AK4: variants seen among roughly 807,000 people sequenced by gnomAD.
The protein encoded by AK4 is adenylate kinase 4, mitochondrial.
A neutral mutation model predicts 24.6 loss-of-function variants in AK4; 13 were observed. The ratio of observed to expected loss-of-function variants is 0.53; its 90% CI spans 0.34 to 0.84. AK4 has a LOEUF of 0.84. AK4 is among the 40% of genes least tolerant of loss of function. The pLI, the probability that AK4 is intolerant of heterozygous loss-of-function variation, is 0.01. For synonymous variants in AK4, 88 were observed against 107.0 expected (o/e 0.82, Z 1.10); for missense variants, 192 against 288.2 (o/e 0.67, Z 2.42).
At chr1:65,196,792 C>T (rs1448063867) in intron 2 of AK4, among the ~76,000 whole-genome samples, 1 of 152,026 alleles carries the variant, frequency 6.6e-6, no homozygotes, top group Non-Finnish European at 1.5e-5. Flanking sequence ...AAAAAAGGGT[C>T]ACATATTAGA....
intron 1 of AK4, among the ~76,000 whole-genome samples, chr1:65,188,232 TAAAAA>T (rs944685717): frequency 6.6e-6 from 1 of 151,950 alleles, no homozygotes; most frequent in Non-Finnish European, 1.5e-5. Context: ...CTGTCTCTAC[TAAAAA>T]TACAGAAATT....
chr1:65,198,038 AC>A (rs1167171923), intron 2 of AK4, among the ~76,000 whole-genome samples: 1 of 152,230 alleles, frequency 6.6e-6, no homozygotes, highest in Non-Finnish European at 1.5e-5. Context: ...AATTAAAAAA[AC>A]AGCTTTTTCT....
chr1:65,148,635 A>G (rs6664331), intron 1 of AK4, 83 bp downstream of exon 1: 71,844 of 1,426,604 alleles, frequency 0.05, 9,953 homozygotes, highest in African/African-American at 0.48. Flanking sequence ...CTCCCGGATC[A>G]CGGCGCCCTT....
intron 2 of AK4, 87 bp downstream of exon 2, chr1:65,190,916 A>T: frequency 3.5e-6 from 5 of 1,439,674 alleles, no homozygotes; most frequent in Middle Eastern, 1.8e-4. Context: ...CGAATGGAAA[A>T]TGCCTTATTT....
chr1:65,165,327 A>C (rs970970726), intron 1 of AK4, among the ~76,000 whole-genome samples: 4 of 152,180 alleles, frequency 2.6e-5, no homozygotes, highest in Admixed American at 6.5e-5. Context: ...AGGTGGAAAC[A>C]TGTGAAAGCA....
intron 2 of AK4, among the ~76,000 whole-genome samples, chr1:65,193,384 T>C (rs192416428): frequency 6.6e-6 from 1 of 152,308 alleles, no homozygotes; most frequent in Admixed American, 6.5e-5. Flanking sequence ...GTCTGGAAGA[T>C]CTCCGAAATG....
At chr1:65,173,756 A>C (rs908920163) in intron 1 of AK4, among the ~76,000 whole-genome samples, 1 of 152,076 alleles carries the variant, frequency 6.6e-6, no homozygotes, top group Admixed American at 6.6e-5. Context: ...ACAGCTGCTT[A>C]GGAGACTGAG....
At chr1:65,167,109 G>T (rs1650358189) in intron 1 of AK4, among the ~76,000 whole-genome samples, 1 of 151,998 alleles carries the variant, frequency 6.6e-6, no homozygotes, top group South Asian at 2.1e-4. Context: ...CTCCAGCCTG[G>T]GTGACAGAGA....
chr1:65,158,998 C>CT (rs1487891044), intron 1 of AK4, among the ~76,000 whole-genome samples: 3 of 152,196 alleles, frequency 2.0e-5, no homozygotes, highest in Non-Finnish European at 2.9e-5. Flanking sequence ...AGTCTCACCT[C>CT]TAAGTTCTGA....
intron 2 of AK4, among the ~76,000 whole-genome samples, chr1:65,196,938 A>G (rs1335070271): frequency 2.6e-5 from 4 of 152,196 alleles, no homozygotes; most frequent in South Asian, 2.1e-4. Flanking sequence ...AGCAAATCAC[A>G]TCGTACCTGG....
chr1:65,157,933 C>G (rs771081701), intron 1 of AK4, among the ~76,000 whole-genome samples: 1 of 152,156 alleles, frequency 6.6e-6, no homozygotes, highest in African/African-American at 2.4e-5. Flanking sequence ...ATGAGTACAG[C>G]TACAAAAAGA....
intron 1 of AK4, among the ~76,000 whole-genome samples, chr1:65,169,847 T>G (rs897210106): frequency 6.6e-6 from 1 of 152,138 alleles, no homozygotes; most frequent in African/African-American, 2.4e-5. Flanking sequence ...AGTATTGCAT[T>G]AAAGTATTAT....
chr1:65,216,463 C>T lies in AK4; in HGVS notation c.266-2291C>T, dbSNP rs138921611. ...CTTTTAAAAGAATGAGCCAAGCCCTCCCTGCCTCCCGCTTCCCCAAAGTTC... is the reference window on the plus strand; with the variant it reads ...CTTTTAAAAGAATGAGCCAAGCCCTTCCTGCCTCCCGCTTCCCCAAAGTTC... On this transcript the variant is annotated intron_variant, in intron 2 of 4. Transcript: ENST00000327299. Among the ~76,000 whole-genome samples the T allele has an allele frequency of 2.6e-4, 40 of 152,248 alleles. 1 individual carries two copies. In the East Asian group the frequency reaches 7.3e-3, roughly 28 times the overall value.
chr1:65,179,093 T>C lies in AK4; in HGVS notation c.146-11617T>C, dbSNP rs558134736. Among the ~76,000 whole-genome samples the C allele has an allele frequency of 3.9e-5, 6 of 152,174 alleles. No homozygotes were observed. The East Asian group carries it at 7.7e-4, about 20-fold the overall frequency. ...AAGGAAGCTGACTGGTGAGGAGATA[T>C]GGAATTAAAGGATGCTTATAATTTG... On this transcript the variant is annotated intron_variant, in intron 1 of 4. Transcript: ENST00000327299.
intron 1 of AK4, among the ~76,000 whole-genome samples, chr1:65,160,982 C>T (rs185624397): frequency 1.1e-4 from 17 of 152,168 alleles, no homozygotes; most frequent in Admixed American, 4.6e-4. Context: ...CTGGGGGGCA[C>T]GTTCAGACCC....
chr1:65,208,224 A>G (rs1216872280), intron 2 of AK4, among the ~76,000 whole-genome samples: 1 of 152,192 alleles, frequency 6.6e-6, no homozygotes, highest in Non-Finnish European at 1.5e-5. Context: ...GTAGTAGGAC[A>G]GCTGCTGCTT....
intron 1 of AK4, among the ~76,000 whole-genome samples, chr1:65,182,614 G>A (rs553949096): frequency 7.2e-5 from 11 of 151,934 alleles, no homozygotes; most frequent in Non-Finnish European, 1.5e-4. Flanking sequence ...TTTCATTCCA[G>A]TTGATGGATT....
chr1:65,153,768 C>A (rs769451398), intron 1 of AK4, among the ~76,000 whole-genome samples: 1 of 152,066 alleles, frequency 6.6e-6, no homozygotes, highest in Non-Finnish European at 1.5e-5. Flanking sequence ...AGGTGAATGT[C>A]CTCATTCATA....
At chr1:65,152,344 CTCTCTCTCTCTCTCTCTATA>C (rs1482744820) in intron 1 of AK4, among the ~76,000 whole-genome samples, 101 of 43,212 alleles carry the variant, frequency 2.3e-3, no homozygotes, top group African/African-American at 0.01. Context: ...CTCTCTCTCT[CTCTCTCTCTCTCTCTCTATA>C]TATATATATA....
Sources: allele counts gnomAD v4.1 joint callset (sites outside exome capture counted in the v4.1 genomes callset), GRCh38; gene constraint gnomAD v4.1.1; transcripts MANE v1.5; gene names NCBI Gene and HGNC (gene_info 2026-07-23, HGNC 2026-07-21).